The following EXOC6 variants were observed in gnomAD, a reference collection of about 807,000 sequenced individuals.
EXOC6 encodes the protein exocyst complex component 6.
A neutral mutation model predicts 112.5 loss-of-function variants in EXOC6; 60 were observed. The observed-to-expected ratio is 0.53, with a 90% confidence interval of 0.43 to 0.66. The LOEUF is 0.66. EXOC6 is among the 30% of genes least tolerant of loss of function. The pLI is 0.00. For synonymous variants in EXOC6, 295 were observed against 308.0 expected, an observed-to-expected ratio of 0.96 and a Z score of 0.44; for missense variants, 855 against 957.1, an observed-to-expected ratio of 0.89 and a Z score of 1.41.
chr10:92,929,696 A>C (rs192447419), intron 9 of EXOC6, among the ~76,000 whole-genome samples: 3 of 152,368 alleles, frequency 2.0e-5, no homozygotes, highest in Admixed American at 1.3e-4. Flanking sequence ...TAGAAATTAA[A>C]TACATATTAA....
At chr10:93,047,274 C>A (rs1301840805) in intron 20 of EXOC6, among the ~76,000 whole-genome samples, 2 of 152,172 alleles carry the variant, frequency 1.3e-5, no homozygotes, top group Non-Finnish European at 2.9e-5. Context: ...CGGTGGCTCA[C>A]GCCTATAATC....
At chr10:92,900,409 C>T (rs1289731280) in intron 5 of EXOC6, 1 of 152,076 alleles carries the variant, frequency 6.6e-6, no homozygotes, top group Non-Finnish European at 1.5e-5. Flanking sequence ...TATCAGAACA[C>T]ATCTTATACA....
At chr10:93,015,538 C>G (rs2134240475) in intron 20 of EXOC6, among the ~76,000 whole-genome samples, 1 of 152,266 alleles carries the variant, frequency 6.6e-6, no homozygotes, top group East Asian at 1.9e-4. Context: ...TCAAGATCAT[C>G]TTGGCTAACA....
At chr10:92,840,824 GTTTTTGTAT>G (rs1846820813) in intron 1 of EXOC6, among the ~76,000 whole-genome samples, 1 of 151,748 alleles carries the variant, frequency 6.6e-6, no homozygotes, top group African/African-American at 2.4e-5. Context: ...TGCCTGGCTA[GTTTTTGTAT>G]TTTTTGTAGA....
rs964485275 is a variant in EXOC6, at chr10:92,943,425, A to G, written c.1310+2601A>G. Among the ~76,000 whole-genome samples, 4 of 152,304 alleles carry G rather than the reference A, an allele frequency of 2.6e-5. No homozygotes were observed. In the East Asian group the frequency reaches 7.7e-4, roughly 29 times the overall value. On this transcript the variant is annotated intron_variant, in intron 13 of 21. Coordinates refer to ENST00000260762, the MANE Select transcript of EXOC6 (RefSeq NM_019053.6). ...GACAACCTAACAATTAAATGGGGGA[A>G]AAAGAAAAATTATCAATACTGAATG...
chr10:92,909,405 T>C, intron 5 of EXOC6, 22 bp from the exon 6 acceptor site: 2 of 1,532,610 alleles, frequency 1.3e-6, no homozygotes, highest in Non-Finnish European at 1.8e-6. Flanking sequence ...TTTATAGAGT[T>C]TTCTTTTTTA....
At chr10:93,015,605 T>TG (rs780036571) in intron 20 of EXOC6, among the ~76,000 whole-genome samples, 10 of 152,126 alleles carry the variant, frequency 6.6e-5, no homozygotes, top group Non-Finnish European at 1.2e-4. Flanking sequence ...TGGTGGCACA[T>TG]GCCTGTAGTC....
intron 1 of EXOC6, among the ~76,000 whole-genome samples, chr10:92,890,574 C>T (rs2133803571): frequency 6.6e-6 from 1 of 152,084 alleles, no homozygotes; most frequent in African/African-American, 2.4e-5. Flanking sequence ...GTATATTCTA[C>T]AGTGGAAGGA....
intron 1 of EXOC6, among the ~76,000 whole-genome samples, chr10:92,856,361 G>A (rs1406399087): frequency 6.6e-6 from 1 of 151,970 alleles, no homozygotes; most frequent in South Asian, 2.1e-4. Context: ...TCTAAGAACA[G>A]CATTAGCTTC....
chr10:92,909,446 A>C lies in EXOC6; in HGVS notation c.478A>C (p.Thr160Pro), dbSNP rs774306700. The C allele has an allele frequency of 1.2e-6, 2 of 1,612,432 alleles. No individual in the cohort carries two copies. The highest frequency in any genetic ancestry group is 2.2e-5 in the South Asian group (2 of 90,642). Residue 160 changes from threonine to proline, a missense_variant, in exon 6 of 22, where the codon ACT (threonine) becomes CCT (proline). Physicochemically the swap from Thr to Pro is conservative, Grantham distance 38 (BLOSUM62 -1). Around this residue, in one of 2 missense-constraint regions of EXOC6, gnomAD observed 405 missense variants for 393.6 expected, o/e 1.03. Transcript: ENST00000260762. ...TCACAGGTACTATTCTGCCCTAAAA[A>C]CTATGGAACAATTAGAGAATGTGTA... ...SAKRYYSALK[T>P]MEQLENVYFP... is the part of the protein sequence containing the mutation.
intron 20 of EXOC6, among the ~76,000 whole-genome samples, chr10:93,029,477 C>T (rs953339956): frequency 1.3e-5 from 2 of 152,030 alleles, no homozygotes; most frequent in African/African-American, 4.8e-5. Flanking sequence ...CCATTTTTCT[C>T]TATTGGGTTG....
intron 17 of EXOC6, among the ~76,000 whole-genome samples, chr10:92,973,592 A>G (rs1466351354): frequency 2.0e-5 from 3 of 152,156 alleles, no homozygotes; most frequent in Non-Finnish European, 2.9e-5. Context: ...TAACTATCTC[A>G]ATCTCTTTCT....
chr10:92,998,101 T>A (rs1238712469), intron 19 of EXOC6, among the ~76,000 whole-genome samples: 2 of 152,014 alleles, frequency 1.3e-5, no homozygotes, highest in African/African-American at 2.4e-5. Flanking sequence ...TTCACTTTAT[T>A]TTTTTTTAGG....
intron 6 of EXOC6, among the ~76,000 whole-genome samples, chr10:92,915,125 G>C (rs1440241939): frequency 6.6e-6 from 1 of 152,194 alleles, no homozygotes; most frequent in Non-Finnish European, 1.5e-5. Flanking sequence ...TTCCTTCTGT[G>C]AGGTTAATGG....
intron 7 of EXOC6, 133 bp downstream of exon 7, chr10:92,916,046 G>T (rs1366820318): frequency 6.4e-6 from 4 of 621,982 alleles, no homozygotes; most frequent in Non-Finnish European, 1.0e-5. Context: ...GAGTCAAAAT[G>T]GAGTCAGTGT....
intron 20 of EXOC6, among the ~76,000 whole-genome samples, chr10:93,030,891 T>C (rs1845239632): frequency 6.6e-6 from 1 of 152,158 alleles, no homozygotes; most frequent in South Asian, 2.1e-4. Flanking sequence ...TTTTTCAAGA[T>C]ACACCTCCCC....
chr10:92,997,672 A>T (rs1843556194), intron 19 of EXOC6, 57 bp downstream of exon 19: 1 of 1,455,482 alleles, frequency 6.9e-7, no homozygotes, highest in Non-Finnish European at 9.3e-7. Context: ...CTTAAATTAT[A>T]TGAAAAAATG....
chr10:93,027,001 A>G (rs1248399328), intron 20 of EXOC6, among the ~76,000 whole-genome samples: 1 of 152,230 alleles, frequency 6.6e-6, no homozygotes, highest in Admixed American at 6.5e-5. Flanking sequence ...CTTGCACCAA[A>G]CAGCCAAGGT....
intron 17 of EXOC6, 139 bp downstream of exon 17, chr10:92,955,853 C>T: frequency 1.4e-6 from 1 of 714,546 alleles, no homozygotes; most frequent in Non-Finnish European, 2.2e-6. Flanking sequence ...CAACAATGAG[C>T]AAGTAAATGT....
Sources: allele counts gnomAD v4.1 joint callset (sites outside exome capture counted in the v4.1 genomes callset), GRCh38; gene constraint gnomAD v4.1.1; regional missense constraint gnomAD v4.1.1; transcripts MANE v1.5; gene names NCBI Gene and HGNC (gene_info 2026-07-23, HGNC 2026-07-21).